ZNF341: variants seen among roughly 807,000 people sequenced by gnomAD.
ZNF341 encodes the protein zinc finger protein 341.
A neutral mutation model predicts 87.7 loss-of-function variants in ZNF341; 52 were observed. That is an observed-to-expected ratio of 0.59 (90% CI 0.47 to 0.75). ZNF341 has a LOEUF of 0.75. Among genes scored for constraint, ZNF341 ranks in the 30% least tolerant of loss-of-function variants. The probability of loss-of-function intolerance (pLI) is 0.00; values close to 1 mark genes in which losing one functional copy is unlikely to be tolerated. For missense variants in ZNF341, 977 were observed against 1,145.9 expected (o/e 0.85, Z 2.13); for synonymous variants, 459 against 472.7 (o/e 0.97, Z 0.38).
intron 1 of ZNF341, among the ~76,000 whole-genome samples, chr20:33,736,852 A>G (rs1601227813): frequency 6.6e-6 from 1 of 152,328 alleles, no homozygotes; most frequent in East Asian, 1.9e-4. Context: ...TTGAAACTCC[A>G]GATATTGGAA....
At chr20:33,761,610 C>A (rs1601258350) in intron 7 of ZNF341, among the ~76,000 whole-genome samples, 1 of 152,308 alleles carries the variant, frequency 6.6e-6, no homozygotes, top group East Asian at 1.9e-4. Context: ...AATGTTCTGT[C>A]ACAGTATGAG....
At chr20:33,741,449 G>C (rs2018801095) in intron 2 of ZNF341, among the ~76,000 whole-genome samples, 1 of 150,542 alleles carries the variant, frequency 6.6e-6, no homozygotes, top group Admixed American at 6.7e-5. Flanking sequence ...CTGTCCTCCA[G>C]GCTGGAGTGC....
chr20:33,776,536 G>C (rs1196516139), intron 10 of ZNF341, among the ~76,000 whole-genome samples: 3 of 152,072 alleles, frequency 2.0e-5, no homozygotes, highest in African/African-American at 7.2e-5. Flanking sequence ...ACAGGTGTGT[G>C]CCACCAGGCC....
chr20:33,780,239 G>A (rs186693799), intron 10 of ZNF341, among the ~76,000 whole-genome samples: 2 of 151,980 alleles, frequency 1.3e-5, no homozygotes, highest in African/African-American at 4.8e-5. Context: ...AATGAGCCTG[G>A]TGTGTTCAAG....
chr20:33,776,189 T>A (rs1424391149), intron 10 of ZNF341, among the ~76,000 whole-genome samples: 5 of 148,492 alleles, frequency 3.4e-5, no homozygotes, highest in Non-Finnish European at 1.5e-5. Context: ...CAGTCTCAGG[T>A]GATTCTCCCA....
chr20:33,753,304 G>A lies in ZNF341; in HGVS notation c.622G>A (p.Gly208Arg), dbSNP rs1161686400. The change falls in exon 5 of 15, where the codon GGG becomes AGG. Residue 208 changes from glycine to arginine, a missense_variant. By Grantham distance (125) the Gly-to-Arg change is moderately radical. This residue lies in a region of ZNF341 where 515 missense variants were observed against 598.2 expected (regional missense o/e 0.86). Coordinates refer to ENST00000375200, the MANE Select transcript of ZNF341 (RefSeq NM_001282933.2). ...PPPPQSLGPPGRPNPGGNGVV... is the reference protein window; with the variant it reads ...PPPPQSLGPPRRPNPGGNGVV... ...TCCACCCCAGAGCCTGGGCCCCCCT[G>A]GGCGTCCCAACCCTGGTGGGAACGG... 3.7e-6 allele frequency: 6 copies of A among 1,611,880 alleles called. No homozygotes were observed. In the South Asian group the frequency reaches 4.4e-5, roughly 12 times the overall value.
At chr20:33,761,816 C>T (rs200724823) in intron 7 of ZNF341, 46 bp from the exon 8 acceptor site, 110 of 1,398,116 alleles carry the variant, frequency 7.9e-5, no homozygotes, top group African/African-American at 6.1e-4. Flanking sequence ...GCTGAGGCCT[C>T]GTCCCCGTTC....
chr20:33,774,137 A>G (rs914764120), intron 10 of ZNF341, among the ~76,000 whole-genome samples: 88 of 150,836 alleles, frequency 5.8e-4, no homozygotes, highest in Middle Eastern at 3.4e-3. Context: ...AAAAAAAAAA[A>G]AAAAATTAGC....
chr20:33,748,806 C>T, intron 3 of ZNF341, 117 bp from the exon 4 acceptor site: 1 of 1,003,960 alleles, frequency 1.0e-6, no homozygotes, highest in Non-Finnish European at 1.4e-6. Flanking sequence ...TCTTTTGTGC[C>T]ATGCCCTCGG....
At chr20:33,766,426 C>T (rs1167407632) in intron 8 of ZNF341, among the ~76,000 whole-genome samples, 2 of 151,954 alleles carry the variant, frequency 1.3e-5, no homozygotes, top group Non-Finnish European at 2.9e-5. Context: ...AACTTCTGAC[C>T]TCAAGTGATC....
rs980738459 is a variant in ZNF341 at position 33,767,072 on chromosome 20, C to T, written c.1413+31C>T. 7 of 1,591,004 alleles carry T rather than the reference C, an allele frequency of 4.4e-6. No individual in the cohort carries two copies. In the African/African-American group the frequency reaches 6.7e-5, roughly 15 times the overall value. On this transcript the variant is annotated intron_variant, in intron 9 of 14. Coordinates refer to ENST00000375200, the MANE Select transcript of ZNF341 (RefSeq NM_001282933.2). ...TGGATGGTGGCAGCAGGGGCCCACA[C>T]CACACCAGTCGAAACCTTTCACTGG...
At chr20:33,778,742 T>C (rs7271022) in intron 10 of ZNF341, among the ~76,000 whole-genome samples, 71,176 of 152,196 alleles carry the variant, frequency 0.47, 19,156 homozygotes, top group African/African-American at 0.75. Context: ...GCCTGCCTTT[T>C]GGTTTTTGCT....
intron 1 of ZNF341, among the ~76,000 whole-genome samples, chr20:33,735,541 C>G (rs1249933861): frequency 6.6e-6 from 1 of 152,082 alleles, no homozygotes; most frequent in Non-Finnish European, 1.5e-5. Flanking sequence ...TGATCTTGAA[C>G]TCCTAGCATC....
chr20:33,742,260 G>A (rs1454177190), intron 2 of ZNF341, among the ~76,000 whole-genome samples: 1 of 152,014 alleles, frequency 6.6e-6, no homozygotes, highest in East Asian at 1.9e-4. Flanking sequence ...GCAGTGGCGC[G>A]ATCTCGGCTC....
intron 1 of ZNF341, among the ~76,000 whole-genome samples, chr20:33,734,100 A>G (rs2018633013): frequency 6.6e-6 from 1 of 152,210 alleles, no homozygotes; most frequent in South Asian, 2.1e-4. Context: ...AGTTCCTAGG[A>G]CAGTGGGATG....
intron 10 of ZNF341, among the ~76,000 whole-genome samples, chr20:33,772,745 C>T (rs897250984): frequency 6.6e-6 from 1 of 151,878 alleles, no homozygotes. Context: ...GGAGTGGAAG[C>T]GGGAGGGAGA....
At position 33,745,167 on chromosome 20, in the gene ZNF341, G is replaced by T; in HGVS notation, c.207G>T (p.Met69Ile). 6.2e-7 allele frequency: 1 copy of T among 1,614,090 alleles called. No individual in the cohort carries two copies. Among genetic ancestry groups the T allele is most frequent in the East Asian group, 2.2e-5 (1 of 44,884 alleles). Residue 69 changes from methionine (M) to isoleucine (I), a missense_variant, in exon 3 of 15, where the codon ATG becomes ATT. By Grantham distance (10) the Met-to-Ile change is conservative. Transcript: ENST00000375200. The stretch of plus-strand genomic sequence containing the variant: ...AATTCAACTCGCTGCCAGCGTTTAT[G>T]ACCCACAAGCGGGAACAGTGCCAGG... Reference protein sequence around the residue: ...KKQFNSLPAFMTHKREQCQGN... With the variant: ...KKQFNSLPAFITHKREQCQGN...
intron 6 of ZNF341, 31 bp downstream of exon 6, chr20:33,757,374 C>T (rs757689111): frequency 5.5e-6 from 8 of 1,449,604 alleles, no homozygotes; most frequent in Non-Finnish European, 7.3e-6. Flanking sequence ...GGGCATCTTT[C>T]CTCAACATTG....
chr20:33,745,227 C>T lies in ZNF341; in HGVS notation c.267C>T (p.Ala89=). The change falls in exon 3 of 15, where the codon GCC becomes GCT. Residue 89 remains alanine, a synonymous_variant. Transcript: ENST00000375200. ...NAPALATVSL[A]TNSIYPPSAA... ...CCGCCCTGGCCACAGTCTCACTGGCCACCAACAGCATCTACCCACCTTCGG... is the reference window on the plus strand; with the variant it reads ...CCGCCCTGGCCACAGTCTCACTGGCTACCAACAGCATCTACCCACCTTCGG... 2 of 1,614,224 alleles carry T rather than the reference C, an allele frequency of 1.2e-6. No individual in the cohort carries two copies. The highest frequency in any genetic ancestry group is 1.7e-6 in the Non-Finnish European group (2 of 1,180,034).
Sources: allele counts gnomAD v4.1 joint callset (sites outside exome capture counted in the v4.1 genomes callset), GRCh38; gene constraint gnomAD v4.1.1; regional missense constraint gnomAD v4.1.1; transcripts MANE v1.5; gene names NCBI Gene and HGNC (gene_info 2026-07-23, HGNC 2026-07-21).